CDH4: variants seen among roughly 807,000 people sequenced by gnomAD.
CDH4 encodes the protein cadherin 4, also known as cadherin-4.
A neutral mutation model predicts 86.0 loss-of-function variants in CDH4; 33 were observed. The ratio of observed to expected loss-of-function variants is 0.38; its 90% CI spans 0.29 to 0.51. The LOEUF (loss-of-function observed/expected upper bound fraction) is 0.51, where lower values mean the gene tolerates loss of function less well. CDH4 is among the 20% of genes least tolerant of loss of function. The pLI, the probability that CDH4 is intolerant of heterozygous loss-of-function variation, is 0.86. For synonymous variants in CDH4, 555 were observed against 549.4 expected (o/e 1.01, Z -0.14); for missense variants, 1,114 against 1,307.4 (o/e 0.85, Z 2.28).
chr20:61,371,825 T>G (rs1441107096), intron 2 of CDH4, among the ~76,000 whole-genome samples: 1 of 152,170 alleles, frequency 6.6e-6, no homozygotes, highest in Non-Finnish European at 1.5e-5. Context: ...TGAAGGCAGA[T>G]TTTGAATCTG....
chr20:61,612,780 C>T (rs2086694955), intron 2 of CDH4, among the ~76,000 whole-genome samples: 1 of 152,106 alleles, frequency 6.6e-6, no homozygotes, highest in South Asian at 2.1e-4. Context: ...GACGGTTTTG[C>T]ATGCTGCATT....
In CDH4 at chr20:61,695,691, C is replaced by T. The variant is rs893851875; in HGVS notation, c.170-47872C>T. 4.6e-5 allele frequency among the ~76,000 whole-genome samples: 7 copies of T among 152,340 alleles called. No homozygotes were observed. The South Asian group carries it at 1.0e-3, about 23-fold the overall frequency. The stretch of plus-strand genomic sequence containing the variant: ...AGGGGAGGTCAAAAATGCAGGGAGG[C>T]AGTCACAGTGTCTGAGAGAGGAGCT... On this transcript the variant is annotated intron_variant, in intron 2 of 15. Transcript: ENST00000614565.
chr20:61,475,110 A>T (rs1353919900), intron 2 of CDH4, among the ~76,000 whole-genome samples: 2 of 152,206 alleles, frequency 1.3e-5, no homozygotes, highest in Non-Finnish European at 2.9e-5. Flanking sequence ...ATCCTGCATT[A>T]TATAAGCTAG....
intron 15 of CDH4, among the ~76,000 whole-genome samples, chr20:61,936,511 C>T (rs2055192619): frequency 7.0e-6 from 1 of 143,106 alleles, no homozygotes; most frequent in Admixed American, 7.1e-5. Context: ...CAGACTGCTG[C>T]TGGATTTGAG....
chr20:61,535,464 T>A (rs193210131), intron 2 of CDH4, among the ~76,000 whole-genome samples: 160 of 152,326 alleles, frequency 1.1e-3, no homozygotes, highest in African/African-American at 3.6e-3. Context: ...GAGGAAATAA[T>A]GGTTGTAATG....
chr20:61,296,040 A>G (rs1941322345), intron 2 of CDH4, among the ~76,000 whole-genome samples: 1 of 152,072 alleles, frequency 6.6e-6, no homozygotes. Context: ...GGAGTAGTTA[A>G]TGGCCGAGCC....
intron 9 of CDH4, among the ~76,000 whole-genome samples, chr20:61,913,598 G>T (rs1440977737): frequency 6.6e-6 from 1 of 152,236 alleles, no homozygotes. Flanking sequence ...ATGGACTGAG[G>T]GTCCCAGGAG....
At chr20:61,642,399 A>G (rs2087020224) in intron 2 of CDH4, among the ~76,000 whole-genome samples, 1 of 152,098 alleles carries the variant, frequency 6.6e-6, no homozygotes, top group Non-Finnish European at 1.5e-5. Context: ...GGAAGTGCTT[A>G]CCAGGCTGGG....
At chr20:61,661,738 A>G (rs116185712) in intron 2 of CDH4, among the ~76,000 whole-genome samples, 3,023 of 151,802 alleles carry the variant, frequency 0.02, 105 homozygotes, top group African/African-American at 0.069. Flanking sequence ...ACACATTTCC[A>G]CTTTGGGTCT....
At chr20:61,872,741 C>T (rs1983861899) in intron 6 of CDH4, among the ~76,000 whole-genome samples, 1 of 152,258 alleles carries the variant, frequency 6.6e-6, no homozygotes. Context: ...CGGGCAGAGT[C>T]CAGCCCCAGG....
At position 61,662,490 on chromosome 20, in the gene CDH4, AAG is replaced by A. The variant is rs2087269275; in HGVS notation, c.170-81072_170-81071del. On this transcript the variant is annotated intron_variant, in intron 2 of 15. Coordinates refer to ENST00000614565, the MANE Select transcript of CDH4 (RefSeq NM_001794.5). ...GGCTGCCCAAAGGCACAGGGAAGAGAAGCCTGAATGAGACTCGGACTGAAAGG... is the reference window on the plus strand; with the variant it reads ...GGCTGCCCAAAGGCACAGGGAAGAGACCTGAATGAGACTCGGACTGAAAGG... Among the ~76,000 whole-genome samples the A allele has an allele frequency of 2.6e-5, 4 of 152,326 alleles. No individual in the cohort carries two copies. The South Asian group carries it at 8.3e-4, about 32-fold the overall frequency.
At chr20:61,738,026 G>A (rs1326342738) in intron 2 of CDH4, among the ~76,000 whole-genome samples, 1 of 152,150 alleles carries the variant, frequency 6.6e-6, no homozygotes, top group Non-Finnish European at 1.5e-5. Context: ...CCATGCCTGT[G>A]GCTCTGGTGT....
chr20:61,768,684 G>T (rs183076829), intron 3 of CDH4, among the ~76,000 whole-genome samples: 1 of 152,322 alleles, frequency 6.6e-6, no homozygotes, highest in East Asian at 1.9e-4. Context: ...TTCGACCAGG[G>T]TGAGTGCTAA....
rs767190552 is a variant in CDH4, at chr20:61,936,921, A to G, written c.2729A>G (p.Tyr910Cys). 5 of 1,589,504 alleles carry G rather than the reference A, an allele frequency of 3.1e-6. No individual in the cohort carries two copies. The highest frequency in any genetic ancestry group is 1.7e-4 in the Middle Eastern group (1 of 5,966). The change falls in exon 16 of 16, where the codon TAT becomes TGT. Residue 910 changes from tyrosine (Y) to cysteine (C), a missense_variant. Physicochemically the swap from Tyr to Cys is radical, Grantham distance 194 (BLOSUM62 -2). Around this residue, in one of 3 missense-constraint regions of CDH4, gnomAD observed 188 missense variants for 183.8 expected, o/e 1.02. Transcript: ENST00000614565. ...GPRFKKLADMYGGGEED is the reference protein window; with the variant it reads ...GPRFKKLADMCGGGEED ...AGATTCAAGAAGCTGGCGGACATGTATGGAGGTGGTGAAGAGGATTGACTG... is the reference window on the plus strand; with the variant it reads ...AGATTCAAGAAGCTGGCGGACATGTGTGGAGGTGGTGAAGAGGATTGACTG...
At chr20:61,411,394 C>T (rs1286194047) in intron 2 of CDH4, among the ~76,000 whole-genome samples, 2 of 150,012 alleles carry the variant, frequency 1.3e-5, no homozygotes, top group South Asian at 2.2e-4. Context: ...AAGGAAAAGC[C>T]GCATTCATTG....
At chr20:61,265,509 T>G (rs1385895130) in intron 2 of CDH4, among the ~76,000 whole-genome samples, 1 of 151,908 alleles carries the variant, frequency 6.6e-6, no homozygotes, top group Non-Finnish European at 1.5e-5. Flanking sequence ...GTCCTACACA[T>G]ATCTCAGTGG....
intron 2 of CDH4, among the ~76,000 whole-genome samples, chr20:61,419,134 C>T (rs1446865670): frequency 1.3e-5 from 2 of 152,144 alleles, no homozygotes; most frequent in Non-Finnish European, 2.9e-5. Flanking sequence ...GGAGAAAGGC[C>T]TCGCAGGGTT....
At chr20:61,760,211 CGTG>C (rs1303089497) in intron 3 of CDH4, among the ~76,000 whole-genome samples, 1 of 152,136 alleles carries the variant, frequency 6.6e-6, no homozygotes, top group African/African-American at 2.4e-5. Context: ...TCCAGAGAAA[CGTG>C]GTGGTTACGT....
intron 2 of CDH4, among the ~76,000 whole-genome samples, chr20:61,346,209 G>C (rs940935779): frequency 3.3e-5 from 5 of 152,178 alleles, no homozygotes; most frequent in Admixed American, 6.5e-5. Context: ...GTGTCTGGAA[G>C]AGGGAACAGC....
Sources: allele counts gnomAD v4.1 joint callset (sites outside exome capture counted in the v4.1 genomes callset), GRCh38; gene constraint gnomAD v4.1.1; regional missense constraint gnomAD v4.1.1; transcripts MANE v1.5; gene names NCBI Gene and HGNC (gene_info 2026-07-23, HGNC 2026-07-21).